Variants in FAM151B observed in about 807,000 individuals in gnomAD.
FAM151B encodes family with sequence similarity 151 member B, also known as protein FAM151B.
In FAM151B, 24 loss-of-function variants were observed where a neutral mutation model predicts 31.2. That is an observed-to-expected ratio of 0.77 (90% CI 0.56 to 1.08). FAM151B has a LOEUF of 1.08. Ranked by LOEUF, FAM151B falls within the 50% of genes least tolerant of loss-of-function variation. The pLI, the probability that FAM151B is intolerant of heterozygous loss-of-function variation, is 0.00. For synonymous variants in FAM151B, 105 were observed against 111.4 expected, an observed-to-expected ratio of 0.94 and a Z score of 0.36; for missense variants, 293 against 328.6, an observed-to-expected ratio of 0.89 and a Z score of 0.84.
intron 1 of FAM151B, chr5:80,500,548 G>A (rs1445732909): frequency 5.3e-6 from 4 of 756,418 alleles, no homozygotes; most frequent in Admixed American, 5.2e-5. Flanking sequence ...GAATGGCAAG[G>A]ATGGCGAGAA....
rs1158308038 is a variant in FAM151B at position 80,541,961 on chromosome 5, T to C, written c.*129T>C. ...AGTCATCTAATCAAGAAACGTTTAT[T>C]GTATGCTTACTCTGTGGGCATATGT... On this transcript the variant is annotated 3_prime_UTR_variant, in exon 6 of 6. Coordinates refer to ENST00000282226, the MANE Select transcript of FAM151B (RefSeq NM_205548.3). 2 of 975,000 alleles carry C rather than the reference T, an allele frequency of 2.1e-6. No homozygotes were observed. The highest frequency in any genetic ancestry group is 3.3e-5 in the African/African-American group (2 of 60,334). The allele number at this position is 975,000 out of a possible 1,614,324, so 60.4% of individuals were successfully genotyped here.
intron 5 of FAM151B, among the ~76,000 whole-genome samples, chr5:80,533,467 G>A (rs1745340700): frequency 6.6e-6 from 1 of 151,682 alleles, no homozygotes. Flanking sequence ...ATAAAGATCA[G>A]GCCGAGCGAG....
At position 80,513,621 on chromosome 5, in the gene FAM151B, G is replaced by T; in HGVS notation, c.169G>T (p.Glu57Ter). 1 of 1,613,042 alleles carries T rather than the reference G, an allele frequency of 6.2e-7. No homozygotes were observed. Among genetic ancestry groups the T allele is most frequent in the Non-Finnish European group, 8.5e-7 (1 of 1,179,800 alleles). ...TTGGACAGGTACTGCTCACATGATA[G>T]AGGCTGATGTCCTTCTTCCAAGTGA... ...EALKSTAHMI[E>*]ADVLLPSDGS... Residue 57 changes from glutamate to a stop codon, truncating the protein, a stop_gained, in exon 3 of 6, where the codon GAG (glutamate) becomes TAG (stop). Transcript: ENST00000282226. LOFTEE classifies it high-confidence loss of function.
At chr5:80,519,934 C>A (rs1170137192) in intron 4 of FAM151B, 24 bp downstream of exon 4, 12 of 1,593,320 alleles carry the variant, frequency 7.5e-6, no homozygotes, top group Non-Finnish European at 7.7e-6. Context: ...TAATGTATTT[C>A]TTGGTCAAAT....
rs527461710 is a variant in FAM151B at position 80,519,751 on chromosome 5, C to T, written c.376C>T (p.Arg126Cys). ...LLENVKRHLK[R>C]PVWINADILP... is the part of the protein sequence containing the mutation. ...GGAAAATGTGAAGAGGCATCTGAAGCGTCCTGTATGGATTAATGCCGATAT... is the reference window on the plus strand; with the variant it reads ...GGAAAATGTGAAGAGGCATCTGAAGTGTCCTGTATGGATTAATGCCGATAT... The change falls in exon 4 of 6, where the codon CGT (arginine) becomes TGT (cysteine). Residue 126 changes from arginine to cysteine, a missense_variant. Arg to Cys is a radical substitution (Grantham distance 180). Transcript: ENST00000282226. 8 of 1,613,920 alleles carry T rather than the reference C, an allele frequency of 5.0e-6. No homozygotes were observed. The highest frequency in any genetic ancestry group is 4.0e-5 in the African/African-American group (3 of 74,904).
chr5:80,530,367 T>A (rs1466261609), intron 5 of FAM151B, among the ~76,000 whole-genome samples: 1 of 152,002 alleles, frequency 6.6e-6, no homozygotes, highest in Non-Finnish European at 1.5e-5. Context: ...TTCAACATAG[T>A]GTTGGAAGTT....
At chr5:80,541,057 G>T (rs77753727) in intron 5 of FAM151B, among the ~76,000 whole-genome samples, 1 of 152,218 alleles carries the variant, frequency 6.6e-6, no homozygotes. Flanking sequence ...TACAGTTTAA[G>T]TAACATTAAC....
At position 80,522,352 on chromosome 5, in the gene FAM151B, C is replaced by T. The variant is rs146276772; in HGVS notation, c.671+214C>T. 2.5e-3 allele frequency: 1,059 copies of T among 421,828 alleles called. 8 individuals carry two copies. The highest frequency in any genetic ancestry group is 0.018 in the African/African-American group (905 of 50,236). The allele number at this position is 421,828 out of a possible 1,614,324, so 26.1% of individuals were successfully genotyped here. On this transcript the variant is annotated intron_variant, in intron 5 of 5. Coordinates refer to ENST00000282226, the MANE Select transcript of FAM151B (RefSeq NM_205548.3). ...TAACATCGTATATTTTACCCCTATT[C>T]CTCACAAAAGTTTTTGTACATAGTA...
Position 80,541,871 on chromosome 5 carries a change from T to A in FAM151B, c.*39T>A. 1 of 1,581,654 alleles carries A rather than the reference T, an allele frequency of 6.3e-7. No homozygotes were observed. On this transcript the variant is annotated 3_prime_UTR_variant, in exon 6 of 6. Transcript: ENST00000282226. Reference sequence around the variant, plus strand: ...AATTATTTCCTGTGTTTTGGTTTCATAATCCTTCTCTCCATTGGTCTGAAT... The same window carrying A: ...AATTATTTCCTGTGTTTTGGTTTCAAAATCCTTCTCTCCATTGGTCTGAAT...
intron 5 of FAM151B, among the ~76,000 whole-genome samples, chr5:80,538,442 T>C (rs56788030): frequency 0.059 from 3,320 of 56,410 alleles, 140 homozygotes; most frequent in Non-Finnish European, 0.069. Context: ...CTTTCTTTCT[T>C]TCTTTCTCTT....
intron 2 of FAM151B, among the ~76,000 whole-genome samples, chr5:80,502,878 CAGTGCGT>C (rs1561363208): frequency 6.6e-6 from 1 of 152,144 alleles, no homozygotes; most frequent in Non-Finnish European, 1.5e-5. Context: ...ATGCCTGAAA[CAGTGCGT>C]AGCATATAAT....
At chr5:80,517,098 A>G (rs1166564916) in intron 3 of FAM151B, among the ~76,000 whole-genome samples, 1 of 152,172 alleles carries the variant, frequency 6.6e-6, no homozygotes, top group East Asian at 1.9e-4. Context: ...TATCAGATTG[A>G]CAGATCACAA....
intron 1 of FAM151B, among the ~76,000 whole-genome samples, chr5:80,495,655 C>T (rs1476342781): frequency 6.6e-6 from 1 of 151,822 alleles, no homozygotes; most frequent in East Asian, 1.9e-4. Flanking sequence ...ACAGTGAAAC[C>T]CCGTCTCTAC....
At chr5:80,500,067 C>A in intron 1 of FAM151B, 3 of 218,996 alleles carry the variant, frequency 1.4e-5, no homozygotes, top group South Asian at 1.5e-4. Context: ...ATTATTCAGC[C>A]CTAAAGAAGA....
At chr5:80,498,827 A>C (rs1286938886) in intron 1 of FAM151B, 1 of 432,280 alleles carries the variant, frequency 2.3e-6, no homozygotes, top group Non-Finnish European at 4.4e-6. Context: ...AGTCAGACAG[A>C]GTACCTCCAT....
intron 1 of FAM151B, chr5:80,500,244 G>A: frequency 1.8e-6 from 1 of 569,264 alleles, no homozygotes; most frequent in Non-Finnish European, 3.1e-6. Context: ...TATGGGGAGG[G>A]GGAAGCAAAG....
rs967790749 is a variant in FAM151B, at chr5:80,502,004, TAG to T, written c.151+91_151+92del. ...GATATCTAGGTATATTTGCAGATAC[TAG>T]AGACAGGTGATCCAAGTGTAAGTTC... On this transcript the variant is annotated intron_variant, in intron 2 of 5. Transcript: ENST00000282226. 1.4e-5 allele frequency: 14 copies of T among 1,009,482 alleles called. No individual in the cohort carries two copies. In the African/African-American group the frequency reaches 2.1e-4, roughly 15 times the overall value. The allele number at this position is 1,009,482 out of a possible 1,614,324, so 62.5% of individuals were successfully genotyped here. A position where few individuals can be genotyped will look rare whatever the true frequency, so the allele number is the denominator to read the frequency against.
At chr5:80,516,115 A>G (rs2112633071) in intron 3 of FAM151B, among the ~76,000 whole-genome samples, 1 of 152,356 alleles carries the variant, frequency 6.6e-6, no homozygotes, top group South Asian at 2.1e-4. Flanking sequence ...ACCTGAGGTC[A>G]GGAGTTCTAG....
chr5:80,513,245 G>A (rs183669401), intron 2 of FAM151B, among the ~76,000 whole-genome samples: 6 of 152,324 alleles, frequency 3.9e-5, no homozygotes, highest in Non-Finnish European at 7.3e-5. Flanking sequence ...AATTTGAGGA[G>A]TGAGAAGATA....
Sources: gnomAD v4.1 joint callset for allele counts (sites outside exome capture counted in the v4.1 genomes callset) on GRCh38, gnomAD v4.1.1 for gene constraint, MANE v1.5 for transcripts, NCBI Gene and HGNC (gene_info 2026-07-23, HGNC 2026-07-21) for gene names.